Variants in EPRS1 observed in about 807,000 individuals in gnomAD.
EPRS1 encodes glutamyl-prolyl-tRNA synthetase 1.
Under a neutral mutation model 188.3 loss-of-function variants are expected in EPRS1, and 107 were observed. The observed-to-expected ratio is 0.57, with a 90% CI of 0.49 to 0.67. EPRS1 has a LOEUF of 0.67. EPRS1 is among the 30% of genes least tolerant of loss of function. The probability of loss-of-function intolerance (pLI) is 0.00; values close to 1 mark genes in which losing one functional copy is unlikely to be tolerated. For missense variants in EPRS1, 1,577 were observed against 1,802.2 expected, an observed-to-expected ratio of 0.88 and a Z score of 2.26; for synonymous variants, 596 against 593.1, an observed-to-expected ratio of 1.00 and a Z score of -0.07.
intron 26 of EPRS1, among the ~76,000 whole-genome samples, chr1:219,979,844 TA>T (rs1200589038): frequency 2.0e-5 from 3 of 152,212 alleles, no homozygotes; most frequent in Admixed American, 6.5e-5. Flanking sequence ...TTTATAGCAG[TA>T]ATTTTACCTA....
intron 17 of EPRS1, among the ~76,000 whole-genome samples, 182 bp from the exon 18 acceptor site, chr1:219,997,524 C>T (rs576757347): frequency 3.5e-4 from 54 of 152,132 alleles, no homozygotes; most frequent in African/African-American, 1.2e-3. Context: ...AAATGACAGG[C>T]GTAAACAAAG....
At chr1:220,005,077 C>A (rs1661432716) in intron 16 of EPRS1, among the ~76,000 whole-genome samples, 171 bp downstream of exon 16, 1 of 152,062 alleles carries the variant, frequency 6.6e-6, no homozygotes, top group Non-Finnish European at 1.5e-5. Context: ...TTTCAAAGAT[C>A]ACTTGTTAAA....
intron 30 of EPRS1, 186 bp from the exon 31 acceptor site, chr1:219,969,308 G>A (rs2102556595): frequency 1.7e-6 from 1 of 586,488 alleles, no homozygotes. Flanking sequence ...AGGAAAGAAT[G>A]TTTTTCCACT....
intron 14 of EPRS1, among the ~76,000 whole-genome samples, 172 bp from the exon 15 acceptor site, chr1:220,006,485 C>T (rs1168187422): frequency 6.6e-6 from 1 of 151,612 alleles, no homozygotes; most frequent in South Asian, 2.1e-4. Context: ...TTTATTTGAG[C>T]TTCTAACATG....
intron 13 of EPRS1, among the ~76,000 whole-genome samples, chr1:220,010,626 A>G (rs570544516): frequency 3.3e-5 from 5 of 152,092 alleles, no homozygotes; most frequent in African/African-American, 7.2e-5. Flanking sequence ...CCTGGCCAAC[A>G]TGGTGAAACC....
At chr1:220,005,652 A>G (rs1661443778) in intron 15 of EPRS1, among the ~76,000 whole-genome samples, 1 of 152,200 alleles carries the variant, frequency 6.6e-6, no homozygotes, top group Admixed American at 6.5e-5. Context: ...ATGATGCAAG[A>G]AGCATGTAAT....
intron 18 of EPRS1, among the ~76,000 whole-genome samples, chr1:219,994,627 G>A (rs1571668399): frequency 6.7e-6 from 1 of 148,160 alleles, no homozygotes; most frequent in Admixed American, 6.7e-5. Flanking sequence ...GAAATATGCC[G>A]TGGTAACTTC....
At chr1:220,029,899 A>G (rs1236306333) in intron 6 of EPRS1, among the ~76,000 whole-genome samples, 1 of 152,202 alleles carries the variant, frequency 6.6e-6, no homozygotes, top group Non-Finnish European at 1.5e-5. Context: ...ATGGGTGCCA[A>G]GAGATGAAGG....
chr1:220,013,004 G>A (rs1661637102), intron 12 of EPRS1, among the ~76,000 whole-genome samples: 1 of 152,330 alleles, frequency 6.6e-6, no homozygotes, highest in Non-Finnish European at 1.5e-5. Flanking sequence ...ACAGATGCAA[G>A]GGGTTGAGAT....
intron 30 of EPRS1, chr1:219,969,331 C>A: frequency 1.9e-6 from 1 of 539,936 alleles, no homozygotes; most frequent in Non-Finnish European, 3.3e-6. Context: ...CCAAAACCTA[C>A]GCTCACAGCA....
intron 4 of EPRS1, 96 bp downstream of exon 4, chr1:220,033,406 C>T (rs1425253016): frequency 4.3e-5 from 36 of 839,306 alleles, no homozygotes; most frequent in African/African-American, 8.6e-5. Flanking sequence ...TATACACACA[C>T]ATATACATAC....
At chr1:220,026,883 T>C (rs551595075) in intron 6 of EPRS1, among the ~76,000 whole-genome samples, 46 of 151,972 alleles carry the variant, frequency 3.0e-4, no homozygotes, top group African/African-American at 1.1e-3. Context: ...TGAAATTATA[T>C]TATTTTATAA....
At chr1:220,034,332 C>T (rs1662137735) in intron 3 of EPRS1, among the ~76,000 whole-genome samples, 1 of 152,132 alleles carries the variant, frequency 6.6e-6, no homozygotes, top group Non-Finnish European at 1.5e-5. Flanking sequence ...CACTGTATAG[C>T]CTAGGTGGGT....
intron 4 of EPRS1, among the ~76,000 whole-genome samples, chr1:220,033,088 C>G (rs986230934): frequency 6.6e-6 from 1 of 152,098 alleles, no homozygotes; most frequent in Non-Finnish European, 1.5e-5. Flanking sequence ...AACCACAACT[C>G]CACATCATCC....
chr1:219,978,802 G>A (rs1660829267), intron 27 of EPRS1, 83 bp from the exon 28 acceptor site: 3 of 959,264 alleles, frequency 3.1e-6, no homozygotes, highest in Non-Finnish European at 4.6e-6. Flanking sequence ...ACCTACCAGT[G>A]GCTATATTAT....
chr1:219,984,072 G>T, intron 21 of EPRS1, 134 bp downstream of exon 21: 1 of 653,598 alleles, frequency 1.5e-6, no homozygotes, highest in South Asian at 1.9e-5. Flanking sequence ...CATGTTAAAT[G>T]ACTACACTGT....
intron 9 of EPRS1, 128 bp downstream of exon 9, chr1:220,022,218 AC>A: frequency 1.3e-6 from 1 of 754,266 alleles, no homozygotes; most frequent in Non-Finnish European, 2.2e-6. Flanking sequence ...ACAGAAGGCC[AC>A]CAGCCAGTGA....
chr1:219,994,534 TAA>T (rs972984254), intron 18 of EPRS1, among the ~76,000 whole-genome samples: 1 of 148,670 alleles, frequency 6.7e-6, no homozygotes, highest in African/African-American at 2.5e-5. Flanking sequence ...GACAAAATAT[TAA>T]AAAAGAAAAA....
chr1:219,975,906 G>A (rs538842431), intron 28 of EPRS1, among the ~76,000 whole-genome samples: 26 of 152,090 alleles, frequency 1.7e-4, no homozygotes, highest in African/African-American at 5.8e-4. Flanking sequence ...GAGAAGGCCC[G>A]GGAGAAGTGA....
Sources: gnomAD v4.1 joint callset for allele counts (sites outside exome capture counted in the v4.1 genomes callset) on GRCh38, gnomAD v4.1.1 for gene constraint, MANE v1.5 for transcripts, NCBI Gene and HGNC (gene_info 2026-07-23, HGNC 2026-07-21) for gene names.